Variants in MPPED2 observed in about 807,000 individuals in gnomAD.
MPPED2 encodes the protein metallophosphoesterase domain containing 2.
Under a neutral mutation model 33.0 loss-of-function variants are expected in MPPED2, and 5 were observed. The ratio of observed to expected loss-of-function variants is 0.15; its 90% CI spans 0.08 to 0.32. The LOEUF (loss-of-function observed/expected upper bound fraction) is 0.32. MPPED2 is among the 10% of genes least tolerant of loss of function. The pLI, the probability that MPPED2 is intolerant of heterozygous loss-of-function variation, is 1.00. For missense variants in MPPED2, 275 were observed against 372.1 expected, an observed-to-expected ratio of 0.74 and a Z score of 2.15; for synonymous variants, 136 against 141.9, an observed-to-expected ratio of 0.96 and a Z score of 0.29.
In MPPED2 at chr11:30,411,355, A is replaced by G. The variant is rs1029430275; in HGVS notation, c.*113T>C. 9.3e-6 allele frequency: 13 copies of G among 1,398,684 alleles called. No homozygotes were observed. The South Asian group carries it at 2.0e-4, about 22-fold the overall frequency. The allele number at this position is 1,398,684 out of a possible 1,614,324, so 86.6% of individuals were successfully genotyped here. A position where few individuals can be genotyped will look rare whatever the true frequency, so the allele number is the denominator to read the frequency against. ...CTCTAGCATCATTTGTGTTCCAACA[A>G]TTTACAAAAAGAACTCACAGGGTTT... On this transcript the variant is annotated 3_prime_UTR_variant, in exon 7 of 7. Coordinates refer to ENST00000358117, the MANE Select transcript of MPPED2 (RefSeq NM_001584.3).
At chr11:30,487,617 A>G (rs1411523753) in intron 4 of MPPED2, among the ~76,000 whole-genome samples, 1 of 151,998 alleles carries the variant, frequency 6.6e-6, no homozygotes, top group Non-Finnish European at 1.5e-5. Flanking sequence ...AGTAGCTGGG[A>G]CTACAAGCAC....
chr11:30,397,857 TATC>T (rs1274654597), intron 6 of MPPED2, among the ~76,000 whole-genome samples: 2 of 152,100 alleles, frequency 1.3e-5, no homozygotes, highest in Non-Finnish European at 2.9e-5. Context: ...TTACCACCAT[TATC>T]ATCATCTGAG....
At chr11:30,489,998 G>A (rs1029722857) in intron 4 of MPPED2, among the ~76,000 whole-genome samples, 1 of 151,870 alleles carries the variant, frequency 6.6e-6, no homozygotes, top group African/African-American at 2.4e-5. Context: ...AATTGCTTGT[G>A]TTAAAAAGCT....
At chr11:30,388,569 G>A (rs1565028082) in exon 7 of MPPED2, 1 of 191,596 alleles carries the variant, frequency 5.2e-6, no homozygotes, top group Non-Finnish European at 1.1e-5. Flanking sequence ...CAGACCTGGG[G>A]TGGAGGGGGT....
intron 3 of MPPED2, among the ~76,000 whole-genome samples, chr11:30,533,364 A>G (rs1224610578): frequency 6.6e-6 from 1 of 152,138 alleles, no homozygotes; most frequent in Non-Finnish European, 1.5e-5. Context: ...GTTGTTTTCA[A>G]TAATCAGGGT....
intron 4 of MPPED2, among the ~76,000 whole-genome samples, chr11:30,444,648 ATATT>A (rs1195825206): frequency 2.0e-5 from 3 of 152,206 alleles, no homozygotes; most frequent in Admixed American, 6.5e-5. Context: ...CTCATTAAAA[ATATT>A]TATTATAATC....
At chr11:30,399,182 C>T (rs1331500773) in intron 6 of MPPED2, among the ~76,000 whole-genome samples, 2 of 151,394 alleles carry the variant, frequency 1.3e-5, no homozygotes, top group African/African-American at 4.9e-5. Flanking sequence ...TAATAAACAA[C>T]ATTGTGAAGA....
At chr11:30,521,298 A>C (rs1379575688) in intron 3 of MPPED2, among the ~76,000 whole-genome samples, 1 of 152,216 alleles carries the variant, frequency 6.6e-6, no homozygotes, top group Non-Finnish European at 1.5e-5. Flanking sequence ...ATAGGGATGT[A>C]ACCATATGTC....
intron 3 of MPPED2, among the ~76,000 whole-genome samples, chr11:30,499,871 G>A (rs1285214620): frequency 6.6e-6 from 1 of 152,042 alleles, no homozygotes; most frequent in Non-Finnish European, 1.5e-5. Context: ...GTTTTGTTTT[G>A]TTTTTGTAAT....
chr11:30,393,709 G>A (rs1454688248), intron 6 of MPPED2, among the ~76,000 whole-genome samples: 2 of 152,192 alleles, frequency 1.3e-5, no homozygotes, highest in African/African-American at 2.4e-5. Context: ...GACTCCCAGA[G>A]TTCTGGGGTG....
At chr11:30,384,326 A>G (rs886561917), downstream of MPPED2, among the ~76,000 whole-genome samples, 4 of 152,232 alleles carry the variant, frequency 2.6e-5, no homozygotes, top group Non-Finnish European at 2.9e-5. Flanking sequence ...CAAAGCAGGT[A>G]TGGAGAGAGG....
chr11:30,445,710 G>T (rs187533199), intron 4 of MPPED2, among the ~76,000 whole-genome samples: 11 of 152,230 alleles, frequency 7.2e-5, no homozygotes, highest in Admixed American at 3.9e-4. Flanking sequence ...TACAATATAC[G>T]TTCTTTTGTG....
intron 4 of MPPED2, among the ~76,000 whole-genome samples, chr11:30,458,914 CTTTTTTTTTTTTTTTTTTTTTTT>C (rs71060450): frequency 1.6e-5 from 1 of 64,516 alleles, no homozygotes; most frequent in Non-Finnish European, 3.0e-5. Flanking sequence ...TTGCACAGTT[CTTTTTTTTTTTTTTTTTTTTTTT>C]TTTTTTGAGA....
rs150399007 is a variant in MPPED2, at chr11:30,451,896, A to G, written c.537-34263T>C. 1,475 of 985,316 alleles carry G rather than the reference A, an allele frequency of 1.5e-3. 12 individuals are homozygous for G. In the African/African-American group the frequency reaches 0.024, roughly 16 times the overall value. 61.0% of individuals were successfully genotyped at this position (985,316 alleles called of 1,614,324 possible). On this transcript the variant is annotated intron_variant, in intron 4 of 6. Transcript: ENST00000358117. Reference sequence around the variant, plus strand: ...TATGCCCTAGTTCCAGCTCAATGCAATTGTGGGCAAGTCATTTAACCTTGA... The same window carrying G: ...TATGCCCTAGTTCCAGCTCAATGCAGTTGTGGGCAAGTCATTTAACCTTGA...
chr11:30,529,539 G>A (rs1015158123), intron 3 of MPPED2, among the ~76,000 whole-genome samples: 1 of 152,140 alleles, frequency 6.6e-6, no homozygotes, highest in African/African-American at 2.4e-5. Context: ...GTGTGTGTGT[G>A]TGTGTATTTA....
At chr11:30,509,887 T>C (rs1232299449) in intron 3 of MPPED2, among the ~76,000 whole-genome samples, 3 of 152,224 alleles carry the variant, frequency 2.0e-5, no homozygotes, top group Admixed American at 6.5e-5. Context: ...TCAGAACTTC[T>C]GATTTTGCAG....
chr11:30,425,424 C>A (rs1383167908), intron 4 of MPPED2: 1 of 152,182 alleles, frequency 6.6e-6, no homozygotes, highest in African/African-American at 2.4e-5. Flanking sequence ...TAAAAATAAT[C>A]TTATAGTGTC....
chr11:30,405,438 TC>T (rs1947974575), downstream of MPPED2, among the ~76,000 whole-genome samples: 1 of 152,178 alleles, frequency 6.6e-6, no homozygotes, highest in South Asian at 2.1e-4. Flanking sequence ...TGCTTTTAGT[TC>T]CACTGTGGCT....
intron 3 of MPPED2, among the ~76,000 whole-genome samples, chr11:30,507,398 A>G (rs1438545017): frequency 1.3e-5 from 2 of 152,236 alleles, no homozygotes; most frequent in Non-Finnish European, 2.9e-5. Flanking sequence ...AGTGCCTACG[A>G]AAGGGGATAT....
Sources: allele counts gnomAD v4.1 joint callset (sites outside exome capture counted in the v4.1 genomes callset), GRCh38; gene constraint gnomAD v4.1.1; transcripts MANE v1.5; gene names NCBI Gene and HGNC (gene_info 2026-07-23, HGNC 2026-07-21).